ZNF652: variants seen among roughly 807,000 people sequenced by gnomAD.
The protein encoded by ZNF652 is zinc finger protein 652.
Under a neutral mutation model 45.2 loss-of-function variants are expected in ZNF652, and 16 were observed. That is an observed-to-expected ratio of 0.35 (90% CI 0.24 to 0.54). The LOEUF is 0.54. Among genes scored for constraint, ZNF652 ranks in the 20% least tolerant of loss-of-function variants. ZNF652 has a pLI of 0.91. For missense variants in ZNF652, 614 were observed against 765.6 expected, an observed-to-expected ratio of 0.80 and a Z score of 2.34; for synonymous variants, 250 against 260.6, an observed-to-expected ratio of 0.96 and a Z score of 0.39.
chr17:49,350,898 A>G (rs2070263981), intron 1 of ZNF652, among the ~76,000 whole-genome samples: 1 of 149,624 alleles, frequency 6.7e-6, no homozygotes. Flanking sequence ...TGAACCCGAG[A>G]GGCAGAGGTT....
intron 1 of ZNF652, among the ~76,000 whole-genome samples, chr17:49,348,499 GA>G (rs1555552478): frequency 1.7e-5 from 2 of 120,242 alleles, no homozygotes; most frequent in African/African-American, 3.0e-5. Flanking sequence ...GAAAAGAAAA[GA>G]AAAGAAAAGA....
chr17:49,299,826 C>T lies in ZNF652; in HGVS notation c.1310-902G>A, dbSNP rs577359410. ...CAAATAGCTGGGACTACTACAGGTG[C>T]CAGCTACCACGCCTGGCTATCTTTT... On this transcript the variant is annotated intron_variant, in intron 5 of 5. Transcript: ENST00000430262. Among the ~76,000 whole-genome samples, 11 of 150,234 alleles carry T rather than the reference C, an allele frequency of 7.3e-5. No individual in the cohort carries two copies. In the South Asian group the frequency reaches 2.3e-3, roughly 32 times the overall value.
At chr17:49,356,997 T>TAA (rs34251428) in intron 1 of ZNF652, among the ~76,000 whole-genome samples, 50 of 138,714 alleles carry the variant, frequency 3.6e-4, no homozygotes, top group Non-Finnish European at 3.8e-4. Flanking sequence ...AACTATGTTT[T>TAA]AAAAAAAAAA....
At chr17:49,358,954 T>G (rs1042125311) in intron 1 of ZNF652, among the ~76,000 whole-genome samples, 1 of 152,204 alleles carries the variant, frequency 6.6e-6, no homozygotes, top group African/African-American at 2.4e-5. Flanking sequence ...GCTATGCAAT[T>G]GTTTTCCAGC....
At chr17:49,353,970 A>G (rs1198798215) in intron 1 of ZNF652, among the ~76,000 whole-genome samples, 1 of 152,198 alleles carries the variant, frequency 6.6e-6, no homozygotes, top group African/African-American at 2.4e-5. Flanking sequence ...CTAACTTTCC[A>G]TAAGAGGTGA....
intron 1 of ZNF652, among the ~76,000 whole-genome samples, chr17:49,356,812 C>T (rs1187796246): frequency 6.6e-6 from 1 of 152,098 alleles, no homozygotes; most frequent in Non-Finnish European, 1.5e-5. Context: ...TCTGAAAAGT[C>T]TCTAGGTAAC....
intron 1 of ZNF652, among the ~76,000 whole-genome samples, chr17:49,322,965 C>G (rs1567926239): frequency 6.6e-6 from 1 of 152,158 alleles, no homozygotes; most frequent in Non-Finnish European, 1.5e-5. Flanking sequence ...GATGGGGGGT[C>G]TTGCTTCAAT....
intron 1 of ZNF652, among the ~76,000 whole-genome samples, chr17:49,349,283 C>T (rs1435301895): frequency 1.3e-5 from 2 of 152,048 alleles, no homozygotes; most frequent in Non-Finnish European, 2.9e-5. Context: ...TTTGCCAGGC[C>T]AGCTATTCGG....
Position 49,291,196 on chromosome 17 carries a change from A to G in ZNF652, c.*7217T>C, listed in dbSNP as rs966878077. The G allele has an allele frequency of 6.6e-6, 1 of 152,222 alleles. No homozygotes were observed. Among genetic ancestry groups the G allele is most frequent in the Non-Finnish European group, 1.5e-5 (1 of 68,040 alleles). 9.4% of individuals were successfully genotyped at this position (152,222 alleles called of 1,614,324 possible). On this transcript the variant is annotated 3_prime_UTR_variant, in exon 6 of 6. Coordinates refer to ENST00000430262, the MANE Select transcript of ZNF652 (RefSeq NM_001145365.3). ...ATACTTCCCACCAACTTTCAAATGC[A>G]ATGAAACAGTCTTGAGTCCTGTACA...
intron 1 of ZNF652, among the ~76,000 whole-genome samples, chr17:49,350,967 C>CTA (rs2070265069): frequency 1.9e-5 from 1 of 53,162 alleles, no homozygotes; most frequent in Non-Finnish European, 3.5e-5. Context: ...AAGACTCTGT[C>CTA]TACATATATA....
chr17:49,318,158 A>C (rs569465528), intron 1 of ZNF652, among the ~76,000 whole-genome samples, 175 bp from the exon 2 acceptor site: 10 of 152,248 alleles, frequency 6.6e-5, no homozygotes, highest in African/African-American at 2.2e-4. Context: ...GCTCACTGCA[A>C]CCTCTGCTGC....
intron 1 of ZNF652, among the ~76,000 whole-genome samples, chr17:49,347,193 C>G (rs1220808959): frequency 6.6e-6 from 1 of 152,132 alleles, no homozygotes; most frequent in Admixed American, 6.6e-5. Context: ...GATCTGTACC[C>G]TAAGGAAACT....
At chr17:49,353,306 T>G (rs1185928167) in intron 1 of ZNF652, among the ~76,000 whole-genome samples, 2 of 152,002 alleles carry the variant, frequency 1.3e-5, no homozygotes, top group Non-Finnish European at 2.9e-5. Flanking sequence ...CTCAGCCTCC[T>G]GAGTAGCTGG....
rs370053135 is a variant in ZNF652, at chr17:49,298,929, G to A, written c.1310-5C>T. On this transcript the variant is annotated splice_region_variant and splice_polypyrimidine_tract_variant and intron_variant, in intron 5 of 5. Transcript: ENST00000430262. Reference sequence around the variant, plus strand: ...CACAGATAAAGGGTTTCTCTCCTGAGATGAACACAGACATAAAAATGATTA... The same window carrying A: ...CACAGATAAAGGGTTTCTCTCCTGAAATGAACACAGACATAAAAATGATTA... The A allele has an allele frequency of 3.6e-5, 57 of 1,600,928 alleles. No individual in the cohort carries two copies. The highest frequency in any genetic ancestry group is 1.7e-4 in the Middle Eastern group (1 of 6,052).
intron 2 of ZNF652, among the ~76,000 whole-genome samples, chr17:49,313,219 G>A (rs556239046): frequency 2.6e-5 from 4 of 152,126 alleles, no homozygotes; most frequent in East Asian, 1.9e-4. Context: ...GCAGTGGCGC[G>A]ATCTAGGCTC....
rs1230275294 is a variant in ZNF652, at chr17:49,289,598, C to G, written c.*8815G>C. 1 of 152,274 alleles carries G rather than the reference C, an allele frequency of 6.6e-6. No homozygotes were observed. The highest frequency in any genetic ancestry group is 1.5e-5 in the Non-Finnish European group (1 of 68,070). The allele number at this position is 152,274 out of a possible 1,614,324, so 9.4% of individuals were successfully genotyped here. A position where few individuals can be genotyped will look rare whatever the true frequency, so the allele number is the denominator to read the frequency against. Reference sequence around the variant, plus strand: ...AGGAGCGGAGCTCAGTTCCACCTCACTGCAGTTCCCTGGGGCCAAGCAGCC... The same window carrying G: ...AGGAGCGGAGCTCAGTTCCACCTCAGTGCAGTTCCCTGGGGCCAAGCAGCC... On this transcript the variant is annotated 3_prime_UTR_variant, in exon 6 of 6. Coordinates refer to ENST00000430262, the MANE Select transcript of ZNF652 (RefSeq NM_001145365.3).
rs1043862762 is a variant in ZNF652, at chr17:49,308,339, G to A, written c.1309+2973C>T. Among the ~76,000 whole-genome samples the A allele has an allele frequency of 2.0e-5, 3 of 151,828 alleles. No homozygotes were observed. The East Asian group carries it at 5.8e-4, about 29-fold the overall frequency. ...ACCACAAGCACATGTCACCACCCCT[G>A]CCTAACTTTTGTATTTTTGCAGAGA... On this transcript the variant is annotated intron_variant, in intron 5 of 5. Coordinates refer to ENST00000430262, the MANE Select transcript of ZNF652 (RefSeq NM_001145365.3).
rs1382916009 is a variant in ZNF652 at position 49,292,367 on chromosome 17, T to C, written c.*6046A>G. On this transcript the variant is annotated 3_prime_UTR_variant, in exon 6 of 6. Transcript: ENST00000430262. ...TGCTCGATCATATTATATAAAACAC[T>C]GCAACCTCCTTTTCATTACATCCTT... 6.6e-6 allele frequency among the ~76,000 whole-genome samples: 1 copy of C among 152,208 alleles called. No individual in the cohort carries two copies. The highest frequency in any genetic ancestry group is 1.9e-4 in the East Asian group (1 of 5,200).
intron 1 of ZNF652, among the ~76,000 whole-genome samples, chr17:49,358,452 C>G (rs1275013707): frequency 6.6e-6 from 1 of 152,100 alleles, no homozygotes; most frequent in African/African-American, 2.4e-5. Context: ...GGCTATGGTT[C>G]AAAATACAAG....
Sources: gnomAD v4.1 joint callset for allele counts (sites outside exome capture counted in the v4.1 genomes callset) on GRCh38, gnomAD v4.1.1 for gene constraint, MANE v1.5 for transcripts, NCBI Gene and HGNC (gene_info 2026-07-23, HGNC 2026-07-21) for gene names.